CPEB3: variants seen among roughly 807,000 people sequenced by gnomAD.
CPEB3 encodes the protein cytoplasmic polyadenylation element-binding protein 3.
In CPEB3, 20 loss-of-function variants were observed where a neutral mutation model predicts 67.2. The observed-to-expected ratio is 0.30, with a 90% confidence interval of 0.21 to 0.43. The LOEUF (loss-of-function observed/expected upper bound fraction) is 0.43, where lower values mean the gene tolerates loss of function less well. CPEB3 is among the 20% of genes least tolerant of loss of function. The pLI is 1.00. For missense variants in CPEB3, 746 were observed against 968.6 expected (o/e 0.77, Z 3.05); for synonymous variants, 376 against 393.1 (o/e 0.96, Z 0.51).
At chr10:92,214,515 C>T (rs1850248695) in intron 2 of CPEB3, among the ~76,000 whole-genome samples, 1 of 152,096 alleles carries the variant, frequency 6.6e-6, no homozygotes, top group African/African-American at 2.4e-5. Flanking sequence ...TGAAGTCTCA[C>T]TCTGTCCCGC....
At chr10:92,125,267 T>C (rs1252229798) in intron 6 of CPEB3, among the ~76,000 whole-genome samples, 1 of 152,248 alleles carries the variant, frequency 6.6e-6, no homozygotes, top group Non-Finnish European at 1.5e-5. Flanking sequence ...AAGCTGACAC[T>C]GTAAGCTGCC....
intron 1 of CPEB3, among the ~76,000 whole-genome samples, chr10:92,275,845 C>CTTTTTTTTTTTTTTTTTTTTTTTTTTTTT (rs909549413): frequency 1.1e-5 from 1 of 92,978 alleles, no homozygotes; most frequent in Non-Finnish European, 2.4e-5. Context: ...TCATTCTTTT[C>CTTTTTTTTTTTTTTTTTTTTTTTTTTTTT]TTTTTTTTTT....
intron 6 of CPEB3, among the ~76,000 whole-genome samples, chr10:92,136,586 A>C (rs2133770761): frequency 6.6e-6 from 1 of 152,152 alleles, no homozygotes; most frequent in Admixed American, 6.5e-5. Context: ...TCTAAGGCGG[A>C]GTCTTGCTCT....
chr10:92,278,376 T>C (rs1038350664), intron 1 of CPEB3, among the ~76,000 whole-genome samples: 9 of 152,288 alleles, frequency 5.9e-5, no homozygotes, highest in Non-Finnish European at 1.3e-4. Flanking sequence ...TGAGATTCTT[T>C]CTAATTATAT....
At chr10:92,094,808 G>GACAA (rs1554885073) in intron 7 of CPEB3, among the ~76,000 whole-genome samples, 1 of 145,732 alleles carries the variant, frequency 6.9e-6, no homozygotes, top group African/African-American at 2.5e-5. Context: ...AGATTCTAAT[G>GACAA]ACACACACAC....
At chr10:92,241,196 G>A (rs979791321) in intron 1 of CPEB3, among the ~76,000 whole-genome samples, 1 of 151,988 alleles carries the variant, frequency 6.6e-6, no homozygotes, top group African/African-American at 2.4e-5. Flanking sequence ...GAGATTTCTT[G>A]GCATCGCAGT....
chr10:92,189,698 A>AT (rs1035403421), intron 3 of CPEB3, among the ~76,000 whole-genome samples: 2,564 of 88,054 alleles, frequency 0.029, 393 homozygotes, highest in African/African-American at 0.051. Flanking sequence ...GTCTCTAGTG[A>AT]TTTTTTTTTT....
chr10:92,142,808 T>A (rs1846499050), intron 6 of CPEB3, among the ~76,000 whole-genome samples: 2 of 152,210 alleles, frequency 1.3e-5, no homozygotes. Context: ...TTCCAGGGTC[T>A]CACTGTCAAT....
chr10:92,238,652 T>C (rs1006361133), intron 2 of CPEB3, among the ~76,000 whole-genome samples: 2 of 151,710 alleles, frequency 1.3e-5, no homozygotes, highest in African/African-American at 4.8e-5. Flanking sequence ...ATCCTTCTTC[T>C]AGGTAACATG....
At chr10:92,278,565 T>C (rs1384155808) in intron 1 of CPEB3, among the ~76,000 whole-genome samples, 1 of 152,158 alleles carries the variant, frequency 6.6e-6, no homozygotes, top group East Asian at 1.9e-4. Flanking sequence ...ACATTGAGCT[T>C]ATATCCTACA....
At chr10:92,131,666 C>G (rs1845847802) in intron 6 of CPEB3, among the ~76,000 whole-genome samples, 1 of 152,136 alleles carries the variant, frequency 6.6e-6, no homozygotes, top group African/African-American at 2.4e-5. Context: ...CATGTAATAA[C>G]TAACTAGGGC....
chr10:92,059,679 T>C (rs1590049718), intron 9 of CPEB3, among the ~76,000 whole-genome samples: 1 of 151,968 alleles, frequency 6.6e-6, no homozygotes, highest in East Asian at 1.9e-4. Flanking sequence ...TAAACAAAAC[T>C]GACAAACTTT....
At chr10:92,093,585 T>TC (rs140794582) in intron 7 of CPEB3, among the ~76,000 whole-genome samples, 5,295 of 150,216 alleles carry the variant, frequency 0.035, 136 homozygotes, top group Middle Eastern at 0.06. Context: ...TCATGCAACC[T>TC]CCACCCCCCA....
intron 2 of CPEB3, among the ~76,000 whole-genome samples, chr10:92,237,027 T>C (rs957267099): frequency 6.6e-6 from 1 of 152,224 alleles, no homozygotes; most frequent in Non-Finnish European, 1.5e-5. Context: ...AATAAATATT[T>C]TGAAAAAATC....
intron 2 of CPEB3, among the ~76,000 whole-genome samples, chr10:92,197,294 T>G (rs1849287866): frequency 6.6e-6 from 1 of 152,166 alleles, no homozygotes; most frequent in African/African-American, 2.4e-5. Context: ...CCTTTTTGTT[T>G]TAGAAGTAGT....
chr10:92,289,308 C>A (rs552443488), intron 1 of CPEB3, among the ~76,000 whole-genome samples: 2 of 151,876 alleles, frequency 1.3e-5, no homozygotes, highest in Admixed American at 6.6e-5. Context: ...GAGGCCGAGA[C>A]GGGCTGATCG....
intron 1 of CPEB3, among the ~76,000 whole-genome samples, chr10:92,243,707 C>T (rs1052975111): frequency 2.8e-4 from 42 of 152,196 alleles, no homozygotes; most frequent in African/African-American, 8.9e-4. Context: ...CATACTTAAA[C>T]ACTTAAATAA....
chr10:92,201,730 T>C (rs1849535283), intron 2 of CPEB3, among the ~76,000 whole-genome samples: 1 of 152,180 alleles, frequency 6.6e-6, no homozygotes, highest in South Asian at 2.1e-4. Context: ...GAGCTTAACC[T>C]TTGCTATCAA....
At chr10:92,162,920 G>A (rs1190221948) in intron 4 of CPEB3, among the ~76,000 whole-genome samples, 6 of 151,930 alleles carry the variant, frequency 3.9e-5, no homozygotes, top group Non-Finnish European at 5.9e-5. Context: ...TTTCGTGTAC[G>A]CCCCCTAGCC....
Sources: gnomAD v4.1 joint callset for allele counts (sites outside exome capture counted in the v4.1 genomes callset) on GRCh38, gnomAD v4.1.1 for gene constraint, MANE v1.5 for transcripts, NCBI Gene and HGNC (gene_info 2026-07-23, HGNC 2026-07-21) for gene names.